The following GRIA2 variants were observed in gnomAD, a reference collection of about 807,000 sequenced individuals.
GRIA2 encodes glutamate receptor 2.
A neutral mutation model predicts 97.3 loss-of-function variants in GRIA2; 14 were observed. The ratio of observed to expected loss-of-function variants is 0.14; its 90% CI spans 0.10 to 0.23. The LOEUF (loss-of-function observed/expected upper bound fraction) is 0.23. GRIA2 is among the 10% of genes least tolerant of loss of function. The probability of loss-of-function intolerance (pLI) is 1.00; values close to 1 mark genes in which losing one functional copy is unlikely to be tolerated. For missense variants in GRIA2, 558 were observed against 1,069.8 expected, an observed-to-expected ratio of 0.52 and a Z score of 6.67; for synonymous variants, 412 against 387.8, an observed-to-expected ratio of 1.06 and a Z score of -0.73.
chr4:157,321,883 G>T (rs1430730555), intron 6 of GRIA2, among the ~76,000 whole-genome samples: 3 of 151,908 alleles, frequency 2.0e-5, no homozygotes, highest in Non-Finnish European at 4.4e-5. Context: ...TTTATTGAGT[G>T]GATTCTGAGC....
In GRIA2 at chr4:157,361,736, C is replaced by A; in HGVS notation, c.2406+612C>A. 1 of 915,564 alleles carries A rather than the reference C, an allele frequency of 1.1e-6. No homozygotes were observed. The allele number at this position is 915,564 out of a possible 1,614,324, so 56.7% of individuals were successfully genotyped here. On this transcript the variant is annotated intron_variant, in intron 14 of 15. Coordinates refer to ENST00000264426, the MANE Select transcript of GRIA2 (RefSeq NM_001083619.3). The surrounding 1 kb of genome is among the most constrained non-coding windows in gnomAD (Gnocchi z 5.2). ...ACCACAAGTGTGTTAGTGGGAATGA[C>A]CCATCTTAAATAGAATGTAAATGCA...
chr4:157,249,216 G>A (rs770863352), intron 2 of GRIA2, among the ~76,000 whole-genome samples: 9 of 152,114 alleles, frequency 5.9e-5, no homozygotes, highest in Non-Finnish European at 1.3e-4. Context: ...TGAAATCTAA[G>A]AAGAAACTTT....
chr4:157,350,202 A>G (rs920109280), intron 12 of GRIA2, among the ~76,000 whole-genome samples: 1 of 152,126 alleles, frequency 6.6e-6, no homozygotes, highest in Non-Finnish European at 1.5e-5. Context: ...TAGATACATC[A>G]AATATATGGA....
At chr4:157,245,868 G>T (rs981362078) in intron 2 of GRIA2, among the ~76,000 whole-genome samples, 1 of 152,020 alleles carries the variant, frequency 6.6e-6, no homozygotes, top group African/African-American at 2.4e-5. Flanking sequence ...GCAGAACTTC[G>T]TATACTTAAC....
At chr4:157,269,254 C>T (rs1454140012) in intron 2 of GRIA2, among the ~76,000 whole-genome samples, 2 of 151,918 alleles carry the variant, frequency 1.3e-5, no homozygotes, top group Non-Finnish European at 2.9e-5. Context: ...AATTAGGTGT[C>T]CTTCTTGGAG....
chr4:157,320,822 T>A (rs1316924730), intron 5 of GRIA2, among the ~76,000 whole-genome samples: 1 of 152,158 alleles, frequency 6.6e-6, no homozygotes, highest in African/African-American at 2.4e-5. Context: ...GAAATCAATG[T>A]AAATATCACA....
chr4:157,252,015 T>C (rs754462814), intron 2 of GRIA2, among the ~76,000 whole-genome samples: 4 of 152,142 alleles, frequency 2.6e-5, no homozygotes, highest in Non-Finnish European at 4.4e-5. Context: ...AGTGCAACCA[T>C]TGACATGAAT....
At chr4:157,362,622 T>C (rs1736681750) in intron 14 of GRIA2, among the ~76,000 whole-genome samples, 177 bp from the exon 15 acceptor site, 1 of 152,148 alleles carries the variant, frequency 6.6e-6, no homozygotes. Flanking sequence ...AAATTTTATG[T>C]TGTTTCATGG....
At chr4:157,277,882 G>A (rs571532422) in intron 2 of GRIA2, among the ~76,000 whole-genome samples, 3 of 140,996 alleles carry the variant, frequency 2.1e-5, no homozygotes, top group Admixed American at 7.2e-5. Flanking sequence ...GTATATATAT[G>A]TATATATGTA....
chr4:157,284,147 A>T lies in GRIA2; in HGVS notation c.230-19405A>T, dbSNP rs531093220. On this transcript the variant is annotated intron_variant, in intron 2 of 15. Transcript: ENST00000264426. ...GAAGAAACTTAATGAGATGCAATTT[A>T]TAATTCTTCTGAAGCCCAAGTTTGA... 1.2e-4 allele frequency among the ~76,000 whole-genome samples: 19 copies of T among 152,020 alleles called. No homozygotes were observed. The East Asian group carries it at 3.5e-3, about 28-fold the overall frequency.
At chr4:157,248,580 T>TAC (rs1459430791) in intron 2 of GRIA2, among the ~76,000 whole-genome samples, 11 of 140,910 alleles carry the variant, frequency 7.8e-5, no homozygotes, top group African/African-American at 2.9e-4. Flanking sequence ...TGTATATATA[T>TAC]ACGTGTATAT....
intron 2 of GRIA2, among the ~76,000 whole-genome samples, chr4:157,263,734 A>G (rs985506483): frequency 4.6e-5 from 7 of 152,114 alleles, no homozygotes; most frequent in Admixed American, 1.3e-4. Context: ...CACAGTATAT[A>G]GTCAATGAGA....
At chr4:157,235,814 G>A (rs1453506421) in intron 2 of GRIA2, among the ~76,000 whole-genome samples, 1 of 151,934 alleles carries the variant, frequency 6.6e-6, no homozygotes, top group Non-Finnish European at 1.5e-5. Flanking sequence ...GCTGGGTGAT[G>A]TTTACATAAA....
chr4:157,333,033 A>T, intron 7 of GRIA2, 47 bp downstream of exon 7: 2 of 1,420,300 alleles, frequency 1.4e-6, no homozygotes, highest in South Asian at 2.6e-5. Flanking sequence ...ATGGCCATTA[A>T]TGTTTTCTTC....
chr4:157,249,915 A>G (rs1054799453), intron 2 of GRIA2: 1 of 152,112 alleles, frequency 6.6e-6, no homozygotes, highest in Non-Finnish European at 1.5e-5. Context: ...GAGTCTTGCA[A>G]TCAAACGATG....
At chr4:157,290,782 T>A (rs962859013) in intron 2 of GRIA2, among the ~76,000 whole-genome samples, 6 of 151,836 alleles carry the variant, frequency 4.0e-5, no homozygotes, top group African/African-American at 7.2e-5. Context: ...TTGTTTTTTT[T>A]ATGATATCAT....
intron 12 of GRIA2, among the ~76,000 whole-genome samples, chr4:157,354,022 A>T (rs1579387260): frequency 6.6e-6 from 1 of 152,148 alleles, no homozygotes; most frequent in East Asian, 1.9e-4. Flanking sequence ...TCTGATTTTA[A>T]TGATTCGAAA....
chr4:157,275,606 C>A (rs1410364062), intron 2 of GRIA2, among the ~76,000 whole-genome samples: 16 of 152,118 alleles, frequency 1.1e-4, no homozygotes, highest in African/African-American at 3.9e-4. Flanking sequence ...GTTTTCCCAG[C>A]ACCATTTATT....
At chr4:157,234,488 A>G (rs1312366013) in intron 2 of GRIA2, among the ~76,000 whole-genome samples, 2 of 152,140 alleles carry the variant, frequency 1.3e-5, no homozygotes, top group Non-Finnish European at 2.9e-5. Context: ...AATTCAATGG[A>G]TAAATAACAA....
Sources: allele counts gnomAD v4.1 joint callset (sites outside exome capture counted in the v4.1 genomes callset), GRCh38; gene constraint gnomAD v4.1.1; non-coding constraint Gnocchi (gnomAD v3.1); transcripts MANE v1.5; gene names NCBI Gene and HGNC (gene_info 2026-07-23, HGNC 2026-07-21).